The following CAMTA2 variants were observed in gnomAD, a reference collection of about 807,000 sequenced individuals.
The protein encoded by CAMTA2 is calmodulin-binding transcription activator 2.
CAMTA2 carries 56 observed loss-of-function variants against 135.7 expected under a neutral mutation model. The ratio of observed to expected loss-of-function variants is 0.41; its 90% CI spans 0.33 to 0.52. CAMTA2 has a LOEUF of 0.52. Ranked by LOEUF, CAMTA2 falls within the 20% of genes least tolerant of loss-of-function variation. The pLI, the probability that CAMTA2 is intolerant of heterozygous loss-of-function variation, is 0.16. For synonymous variants in CAMTA2, 591 were observed against 604.6 expected (o/e 0.98, Z 0.33); for missense variants, 1,358 against 1,553.4 (o/e 0.87, Z 2.11).
chr17:4,977,485 A>C (rs1398348220), intron 10 of CAMTA2, among the ~76,000 whole-genome samples: 5 of 152,248 alleles, frequency 3.3e-5, no homozygotes, highest in Non-Finnish European at 1.5e-5. Context: ...AGTTATGAAC[A>C]ATTTGATGTT....
At chr17:4,985,053 G>A (rs1454093728) in intron 3 of CAMTA2, among the ~76,000 whole-genome samples, 2 of 151,534 alleles carry the variant, frequency 1.3e-5, no homozygotes, top group African/African-American at 4.9e-5. Flanking sequence ...GGGCGTGGAG[G>A]CACATGCCTG....
intron 11 of CAMTA2, among the ~76,000 whole-genome samples, chr17:4,976,295 C>T (rs1176992955): frequency 1.3e-5 from 2 of 152,098 alleles, no homozygotes; most frequent in African/African-American, 2.4e-5. Context: ...CACGAGCCAC[C>T]GCGCCCAGCC....
chr17:4,981,794 G>A lies in CAMTA2; in HGVS notation c.449C>T (p.Pro150Leu), dbSNP rs1156295263. 3 of 1,611,890 alleles carry A rather than the reference G, an allele frequency of 1.9e-6. No homozygotes were observed. Reference protein sequence around the residue: ...DIVLVHYLNVPALEDCGKGCS... With the variant: ...DIVLVHYLNVLALEDCGKGCS... ...GCCCTTTCCACAGTCCTCCAGGGCT[G>A]GGACGTTCAGGTAGTGCACAAGGAC... Residue 150 changes from proline (P) to leucine (L), a missense_variant, in exon 7 of 23, where the codon CCA (proline) becomes CTA (leucine). This residue lies in a region of CAMTA2 where 105 missense variants were observed against 190.9 expected (regional missense o/e 0.55). Transcript: ENST00000348066.
At chr17:4,973,276 A>G (rs746051638) in intron 13 of CAMTA2, 23 bp from the exon 14 acceptor site, 43 of 1,592,768 alleles carry the variant, frequency 2.7e-5, no homozygotes, top group Non-Finnish European at 3.7e-5. Flanking sequence ...GGAGAGAGAC[A>G]GCAGAGCCCA....
intron 9 of CAMTA2, chr17:4,979,392 C>A (rs1305645909): frequency 4.4e-6 from 1 of 225,420 alleles, no homozygotes; most frequent in Admixed American, 5.5e-5. Context: ...CACCTGTAAT[C>A]CCAGCTACTC....
chr17:4,973,916 C>T (rs1019516007), intron 12 of CAMTA2, 147 bp from the exon 13 acceptor site: 30 of 651,460 alleles, frequency 4.6e-5, no homozygotes, highest in African/African-American at 4.6e-4. Flanking sequence ...GTTGAAGTTC[C>T]TCTGTGGCCT....
At position 4,970,554 on chromosome 17, in the gene CAMTA2, C is replaced by A; in HGVS notation, c.2809-18G>T. On this transcript the variant is annotated intron_variant, in intron 16 of 22. Coordinates refer to ENST00000348066, the MANE Select transcript of CAMTA2 (RefSeq NM_015099.4). ...ATGTCCACCTGGAAGAAGGGAGAAG[C>A]TGAGTGAGTCCTTAGGGGCCCCAGC... 1 of 1,602,380 alleles carries A rather than the reference C, an allele frequency of 6.2e-7. No homozygotes were observed. The highest frequency in any genetic ancestry group is 8.5e-7 in the Non-Finnish European group (1 of 1,177,642).
At chr17:4,973,881 CAT>C in intron 12 of CAMTA2, 112 bp from the exon 13 acceptor site, 2 of 845,766 alleles carry the variant, frequency 2.4e-6, no homozygotes, top group Admixed American at 2.9e-5. Context: ...CCCCTCCCCA[CAT>C]GTCCCACTCT....
intron 3 of CAMTA2, among the ~76,000 whole-genome samples, chr17:4,984,910 C>A (rs746842991): frequency 2.6e-5 from 4 of 151,774 alleles, no homozygotes; most frequent in Non-Finnish European, 4.4e-5. Flanking sequence ...CCAGCTACTC[C>A]GGAGGCTGAG....
In CAMTA2 at chr17:4,980,657, G is replaced by A. The variant is rs1380557373; in HGVS notation, c.701-36C>T. 2 of 1,515,096 alleles carry A rather than the reference G, an allele frequency of 1.3e-6. No individual in the cohort carries two copies. The highest frequency in any genetic ancestry group is 4.5e-5 in the East Asian group (2 of 44,482). 93.9% of individuals were successfully genotyped at this position (1,515,096 alleles called of 1,614,324 possible). On this transcript the variant is annotated intron_variant, in intron 8 of 22. Coordinates refer to ENST00000348066, the MANE Select transcript of CAMTA2 (RefSeq NM_015099.4). The surrounding 1 kb of genome is among the most constrained non-coding windows in gnomAD (Gnocchi z 5.3). ...GAGGAGTAGGAGGGAGAGGAGATAA[G>A]ACACATCATTCCGCACCTTCTCTAC...
rs1001201473 is a variant in CAMTA2 at position 4,968,774 on chromosome 17, C to T, written c.3591G>A (p.Gln1197=). Residue 1197 remains glutamine (Q), a synonymous_variant, in exon 23 of 23, where the codon CAG becomes CAA. Transcript: ENST00000348066. ...GGCCAGGTCATGTGGCCAGTCCCGG[C>T]TGGGGAAGCCCTTCCAGCTCCTGGT... ...KQNQELEGLP[Q]PGLAT 1 of 1,614,134 alleles carries T rather than the reference C, an allele frequency of 6.2e-7. No homozygotes were observed. Among genetic ancestry groups the T allele is most frequent in the Admixed American group, 1.7e-5 (1 of 60,030 alleles).
intron 11 of CAMTA2, among the ~76,000 whole-genome samples, chr17:4,975,071 C>T (rs905590420): frequency 6.6e-6 from 1 of 152,154 alleles, no homozygotes; most frequent in African/African-American, 2.4e-5. Context: ...CATTTCTCCT[C>T]CTCCTCCTCC....
chr17:4,984,824 G>C (rs7221523), intron 3 of CAMTA2, among the ~76,000 whole-genome samples: 13,443 of 151,758 alleles, frequency 0.089, 754 homozygotes, highest in Middle Eastern at 0.12. Context: ...TTCGAGACCA[G>C]CCTGGCCAAC....
In CAMTA2 at chr17:4,979,705, G is replaced by A. The variant is rs773954783; in HGVS notation, c.1617C>T (p.Ser539=). 6.2e-7 allele frequency: 1 copy of A among 1,613,656 alleles called. No individual in the cohort carries two copies. The highest frequency in any genetic ancestry group is 1.1e-5 in the South Asian group (1 of 91,054). ...SPALSTITDF[S]PEWSYPEGGV... ...TCACCTCTGGGTAGGACCACTCTGG[G>A]GAGAAGTCTGTGATGGTGCTAAGAG... The change falls in exon 9 of 23, where the codon TCC becomes TCT. Residue 539 remains serine (S), a synonymous_variant. Coordinates refer to ENST00000348066, the MANE Select transcript of CAMTA2 (RefSeq NM_015099.4).
rs148612342 is a variant in CAMTA2 at position 4,983,286 on chromosome 17, T to A, written c.136-243A>T. Reference sequence around the variant, plus strand: ...TCCAAAAATCTCATTCCTGTGCCCCTTTTTTTTTCTTTTGAGATGGAGTTT... The same window carrying A: ...TCCAAAAATCTCATTCCTGTGCCCCATTTTTTTTCTTTTGAGATGGAGTTT... On this transcript the variant is annotated intron_variant, in intron 3 of 22. Transcript: ENST00000348066. 4.5e-3 allele frequency: 1,782 copies of A among 397,578 alleles called. 5 individuals carry two copies. Among genetic ancestry groups the A allele is most frequent in the Middle Eastern group, 8.0e-3 (11 of 1,370 alleles). 24.6% of individuals were successfully genotyped at this position (397,578 alleles called of 1,614,324 possible).
At chr17:4,972,176 C>T in intron 16 of CAMTA2, 56 bp downstream of exon 16, 1 of 1,441,858 alleles carries the variant, frequency 6.9e-7, no homozygotes, top group Non-Finnish European at 9.6e-7. Context: ...TGGAAGTCGG[C>T]CTCACCCTTC....
At chr17:4,973,557 C>T (rs1323235838) in intron 13 of CAMTA2, 28 bp downstream of exon 13, 1 of 1,593,856 alleles carries the variant, frequency 6.3e-7, no homozygotes, top group African/African-American at 1.3e-5. Flanking sequence ...AGAGGCTGCC[C>T]AGCCCTCACC....
intron 3 of CAMTA2, among the ~76,000 whole-genome samples, chr17:4,983,541 TC>T (rs1168995378): frequency 6.6e-6 from 1 of 152,004 alleles, no homozygotes; most frequent in Non-Finnish European, 1.5e-5. Flanking sequence ...CGCCTTGGCC[TC>T]CCAAAGTGCT....
At chr17:4,970,143 C>G in intron 17 of CAMTA2, 58 bp from the exon 18 acceptor site, 1 of 1,537,746 alleles carries the variant, frequency 6.5e-7, no homozygotes, top group Non-Finnish European at 8.9e-7. Flanking sequence ...CCTCTGCCAC[C>G]TATGGATGGC....
Sources: gnomAD v4.1 joint callset for allele counts (sites outside exome capture counted in the v4.1 genomes callset) on GRCh38, gnomAD v4.1.1 for gene constraint, gnomAD v4.1.1 regional missense constraint, Gnocchi (gnomAD v3.1) non-coding constraint, MANE v1.5 for transcripts, NCBI Gene and HGNC (gene_info 2026-07-23, HGNC 2026-07-21) for gene names.